PIGU: variants seen among roughly 807,000 people sequenced by gnomAD.
PIGU encodes phosphatidylinositol glycan anchor biosynthesis class U, also known as GPI-anchor transamidase component PIGU.
PIGU carries 24 observed loss-of-function variants against 49.9 expected under a neutral mutation model. That is an observed-to-expected ratio of 0.48 (90% CI 0.35 to 0.68). The LOEUF is 0.68. Ranked by LOEUF, PIGU falls within the 30% of genes least tolerant of loss-of-function variation. The pLI, the probability that PIGU is intolerant of heterozygous loss-of-function variation, is 0.01. For missense variants in PIGU, 490 were observed against 532.6 expected, an observed-to-expected ratio of 0.92 and a Z score of 0.79; for synonymous variants, 220 against 205.7, an observed-to-expected ratio of 1.07 and a Z score of -0.59.
intron 2 of PIGU, among the ~76,000 whole-genome samples, chr20:34,656,005 G>A (rs1273085740): frequency 3.8e-5 from 3 of 79,726 alleles, no homozygotes; most frequent in African/African-American, 5.3e-5. Flanking sequence ...ATGGAGTCTC[G>A]CCCTGTGGCC....
chr20:34,573,405 G>C (rs1983093008), intron 11 of PIGU, among the ~76,000 whole-genome samples: 1 of 152,122 alleles, frequency 6.6e-6, no homozygotes, highest in Non-Finnish European at 1.5e-5. Flanking sequence ...ACCACTTGCA[G>C]ACAACCCCCT....
rs570403291 is a variant in PIGU, at chr20:34,642,235, T to C, written c.318+1929A>G. On this transcript the variant is annotated intron_variant, in intron 4 of 11. Transcript: ENST00000217446. ...TAAAAACTGTTTTGTTTTGAGACAG[T>C]GTTTCACTCTGTCACTCAGGCGGGA... Among the ~76,000 whole-genome samples, 11 of 152,204 alleles carry C rather than the reference T, an allele frequency of 7.2e-5. No individual in the cohort carries two copies. The East Asian group carries it at 7.7e-4, about 11-fold the overall frequency.
At chr20:34,576,727 T>G (rs1048518197) in intron 10 of PIGU, among the ~76,000 whole-genome samples, 2 of 152,118 alleles carry the variant, frequency 1.3e-5, no homozygotes, top group Non-Finnish European at 2.9e-5. Flanking sequence ...GCTCCAGGGA[T>G]CCTCCTGTCT....
intron 7 of PIGU, among the ~76,000 whole-genome samples, chr20:34,593,052 T>C (rs572216811): frequency 5.5e-4 from 83 of 152,048 alleles, no homozygotes; most frequent in African/African-American, 1.9e-3. Context: ...AAATAGAAAA[T>C]TGGCCCAGGT....
At chr20:34,672,223 G>A (rs572559577) in intron 1 of PIGU, among the ~76,000 whole-genome samples, 1 of 152,272 alleles carries the variant, frequency 6.6e-6, no homozygotes, top group East Asian at 1.9e-4. Flanking sequence ...TTACAGGCAT[G>A]AGCCACAAAA....
chr20:34,595,696 G>A (rs1377719464), intron 7 of PIGU, among the ~76,000 whole-genome samples: 2 of 152,166 alleles, frequency 1.3e-5, no homozygotes, highest in Non-Finnish European at 2.9e-5. Context: ...TATGTGGGGA[G>A]AATCCAAAAT....
At chr20:34,632,749 G>A (rs761060122) in intron 6 of PIGU, among the ~76,000 whole-genome samples, 3 of 152,084 alleles carry the variant, frequency 2.0e-5, no homozygotes, top group Non-Finnish European at 4.4e-5. Flanking sequence ...GGAACTCCAG[G>A]AGAGGAGGGA....
Position 34,616,093 on chromosome 20 carries a change from C to G in PIGU, c.576G>C (p.Gln192His). The change falls in exon 7 of 12, where the codon CAG becomes CAC. Residue 192 changes from glutamine (Q) to histidine (H), a missense_variant. Coordinates refer to ENST00000217446, the MANE Select transcript of PIGU (RefSeq NM_080476.5). The part of the protein sequence containing the change: ...SAIFLALATY[Q>H]SLYPLTLFVP... ...CAAACAAGGTGAGTGGGTACAGAGACTGGTATGTCGCTAAGGCAAGAAAAA... is the reference window on the plus strand; with the variant it reads ...CAAACAAGGTGAGTGGGTACAGAGAGTGGTATGTCGCTAAGGCAAGAAAAA... 1 of 1,613,148 alleles carries G rather than the reference C, an allele frequency of 6.2e-7. No homozygotes were observed. The highest frequency in any genetic ancestry group is 1.1e-5 in the South Asian group (1 of 90,836).
intron 8 of PIGU, among the ~76,000 whole-genome samples, chr20:34,587,740 T>C (rs1983760031): frequency 6.6e-6 from 1 of 152,194 alleles, no homozygotes; most frequent in Admixed American, 6.5e-5. Flanking sequence ...TGAGAACACA[T>C]GCGGTATTTG....
intron 1 of PIGU, among the ~76,000 whole-genome samples, chr20:34,666,364 C>T (rs897304467): frequency 2.0e-5 from 3 of 151,856 alleles, no homozygotes; most frequent in African/African-American, 7.3e-5. Context: ...CCAGAGCATC[C>T]AAGTAACATT....
intron 1 of PIGU, among the ~76,000 whole-genome samples, chr20:34,670,391 T>C (rs549083955): frequency 1.3e-5 from 2 of 152,044 alleles, no homozygotes; most frequent in African/African-American, 4.8e-5. Context: ...GGTTTCACCA[T>C]GTTGCCTAGG....
intron 11 of PIGU, among the ~76,000 whole-genome samples, chr20:34,561,791 A>T (rs1416144376): frequency 6.6e-6 from 1 of 151,712 alleles, no homozygotes; most frequent in African/African-American, 2.4e-5. Flanking sequence ...TCTGCCTGGA[A>T]TGTTCTCTCC....
intron 7 of PIGU, among the ~76,000 whole-genome samples, chr20:34,594,813 C>T (rs969246795): frequency 6.6e-6 from 1 of 151,998 alleles, no homozygotes; most frequent in Admixed American, 6.6e-5. Context: ...TACATATAGG[C>T]TGGGCGCAGT....
chr20:34,666,758 G>A (rs1219316715), intron 1 of PIGU, among the ~76,000 whole-genome samples: 1 of 143,694 alleles, frequency 7.0e-6, no homozygotes, highest in Non-Finnish European at 1.5e-5. Context: ...GTGCAGTGGC[G>A]CGATCTCGGC....
intron 7 of PIGU, among the ~76,000 whole-genome samples, chr20:34,589,900 C>T (rs937228549): frequency 1.3e-5 from 2 of 152,002 alleles, no homozygotes; most frequent in African/African-American, 4.8e-5. Context: ...AGGTGATCTA[C>T]CCGCCTTGGC....
intron 2 of PIGU, among the ~76,000 whole-genome samples, chr20:34,650,708 T>C (rs1306422815): frequency 5.8e-5 from 5 of 86,818 alleles, no homozygotes; most frequent in Admixed American, 4.8e-4. Flanking sequence ...CTCTTTTTTT[T>C]TTTTTTTTTT....
intron 1 of PIGU, among the ~76,000 whole-genome samples, chr20:34,663,072 T>A (rs1481634376): frequency 1.3e-5 from 2 of 152,118 alleles, no homozygotes; most frequent in Non-Finnish European, 2.9e-5. Context: ...TACACCCAGC[T>A]AAATTTTTTT....
rs1427379360 is a variant in PIGU, at chr20:34,601,675, A to G, written c.628-13068T>C. ...GACTACTTTAACCTACCACTGTCTCACCAATCAGAGATTCCCAGCTCCCAA... is the reference window on the plus strand; with the variant it reads ...GACTACTTTAACCTACCACTGTCTCGCCAATCAGAGATTCCCAGCTCCCAA... On this transcript the variant is annotated intron_variant, in intron 7 of 11. Coordinates refer to ENST00000217446, the MANE Select transcript of PIGU (RefSeq NM_080476.5). Among the ~76,000 whole-genome samples the G allele has an allele frequency of 2.0e-5, 3 of 152,280 alleles. No homozygotes were observed. In the East Asian group the frequency reaches 5.8e-4, roughly 29 times the overall value.
chr20:34,581,923 T>C (rs1983491651), intron 9 of PIGU, among the ~76,000 whole-genome samples: 1 of 152,180 alleles, frequency 6.6e-6, no homozygotes, highest in African/African-American at 2.4e-5. Context: ...ACATTTCCCA[T>C]CAACAGTCCC....
Sources: allele counts gnomAD v4.1 joint callset (sites outside exome capture counted in the v4.1 genomes callset), GRCh38; gene constraint gnomAD v4.1.1; transcripts MANE v1.5; gene names NCBI Gene and HGNC (gene_info 2026-07-23, HGNC 2026-07-21).